Variants in KCNQ1 observed in about 807,000 individuals in gnomAD.
The protein encoded by KCNQ1 is potassium voltage-gated channel subfamily Q member 1.
A neutral mutation model predicts 72.4 loss-of-function variants in KCNQ1; 49 were observed. The observed-to-expected ratio is 0.68, with a 90% CI of 0.54 to 0.86. KCNQ1 has a LOEUF of 0.86. Among genes scored for constraint, KCNQ1 ranks in the 40% least tolerant of loss-of-function variants. The pLI is 0.00. For synonymous variants in KCNQ1, 450 were observed against 412.6 expected (o/e 1.09, Z -1.10); for missense variants, 790 against 945.1 (o/e 0.84, Z 2.15).
chr11:2,661,687 C>T lies in KCNQ1; in HGVS notation c.1394-274C>T. On this transcript the variant is annotated intron_variant, in intron 10 of 15. Coordinates refer to ENST00000155840, the MANE Select transcript of KCNQ1 (RefSeq NM_000218.3). The surrounding 1 kb of genome is among the most constrained non-coding windows in gnomAD (Gnocchi z 5.9). ...GCCCAGAACCTGAGGTGGGGAGAGTCTTGGACACCTGAGCACAGCCCCAGG... is the reference window on the plus strand; with the variant it reads ...GCCCAGAACCTGAGGTGGGGAGAGTTTTGGACACCTGAGCACAGCCCCAGG... The T allele has an allele frequency of 1.7e-6, 1 of 602,060 alleles. No individual in the cohort carries two copies. Among genetic ancestry groups the T allele is most frequent in the South Asian group, 2.0e-5 (1 of 50,920 alleles). The allele number at this position is 602,060 out of a possible 1,614,324, so 37.3% of individuals were successfully genotyped here. A position where few individuals can be genotyped will look rare whatever the true frequency, so the allele number is the denominator to read the frequency against.
At chr11:2,799,863 TGTGTG>T (rs1847223801) in intron 15 of KCNQ1, among the ~76,000 whole-genome samples, 1 of 151,780 alleles carries the variant, frequency 6.6e-6, no homozygotes. Flanking sequence ...GCACAGAGGG[TGTGTG>T]TTTTCGGTGC....
rs189139420 is a variant in KCNQ1, at chr11:2,471,595, C to T, written c.386+26111C>T. On this transcript the variant is annotated intron_variant, in intron 1 of 15. Transcript: ENST00000155840. This position sits in a 1 kb window ranked among gnomAD's most constrained non-coding sequence, Gnocchi z 4.8. ...GTGTGTGTGCACGTGTGTATGGGTGCGTGTGCACCTGTGTATATGGGTGTG... is the reference window on the plus strand; with the variant it reads ...GTGTGTGTGCACGTGTGTATGGGTGTGTGTGCACCTGTGTATATGGGTGTG... Among the ~76,000 whole-genome samples the T allele has an allele frequency of 7.9e-5, 12 of 151,396 alleles. No individual in the cohort carries two copies. Among genetic ancestry groups the T allele is most frequent in the African/African-American group, 2.2e-4 (9 of 41,316 alleles).
At position 2,457,903 on chromosome 11, in the gene KCNQ1, A is replaced by G. The variant is rs1456303444; in HGVS notation, c.386+12419A>G. Among the ~76,000 whole-genome samples the G allele has an allele frequency of 6.6e-6, 1 of 152,070 alleles. No homozygotes were observed. The highest frequency in any genetic ancestry group is 2.4e-5 in the African/African-American group (1 of 41,412). On this transcript the variant is annotated intron_variant, in intron 1 of 15. Transcript: ENST00000155840. The surrounding 1 kb of genome is among the most constrained non-coding windows in gnomAD (Gnocchi z 5.0). ...GAATGAGGACTATCAGTATGCATCC[A>G]GGATGACGTTTACTTAAATATCTCT...
chr11:2,749,736 C>A (rs1390082246), intron 11 of KCNQ1, among the ~76,000 whole-genome samples: 1 of 151,830 alleles, frequency 6.6e-6, no homozygotes, highest in Non-Finnish European at 1.5e-5. Flanking sequence ...TGGCGTGAAC[C>A]CAGGAGGCAG....
At chr11:2,619,132 ATTAC>A (rs1849120075) in intron 10 of KCNQ1, 2 of 398,356 alleles carry the variant, frequency 5.0e-6, no homozygotes, top group South Asian at 2.5e-4. Flanking sequence ...TAAAGATAAT[ATTAC>A]TTCTTACTTC....
At position 2,498,743 on chromosome 11, in the gene KCNQ1, C is replaced by T. The variant is rs1846960953; in HGVS notation, c.387-29185C>T. Among the ~76,000 whole-genome samples the T allele has an allele frequency of 2.6e-5, 4 of 152,198 alleles. No homozygotes were observed. The highest frequency in any genetic ancestry group is 2.6e-4 in the Admixed American group (4 of 15,286). On this transcript the variant is annotated intron_variant, in intron 1 of 15. Transcript: ENST00000155840. The surrounding 1 kb of genome is among the most constrained non-coding windows in gnomAD (Gnocchi z 4.8). ...GCACCACTGGGGTACAGAAAAAACT[C>T]CTGCAGCTAGTTCAATGTCTGTCCA...
chr11:2,512,614 C>T (rs1421258163), intron 1 of KCNQ1, among the ~76,000 whole-genome samples: 2 of 152,240 alleles, frequency 1.3e-5, no homozygotes, highest in Non-Finnish European at 2.9e-5. Flanking sequence ...GGCCCTCTGG[C>T]CGCCTCTTGC....
At chr11:2,722,101 G>T (rs1851212524) in intron 11 of KCNQ1, among the ~76,000 whole-genome samples, 1 of 152,150 alleles carries the variant, frequency 6.6e-6, no homozygotes, top group South Asian at 2.1e-4. Context: ...GGTCCTGGCA[G>T]GCACAGGGTA....
Position 2,740,532 on chromosome 11 carries a change from G to A in KCNQ1, c.1515-28312G>A, listed in dbSNP as rs180991274. Reference sequence around the variant, plus strand: ...CCTGGCAGGCCCCGAATGTGAGCGGGTGGACCCAGGCCTCCTGGGGGCCTC... The same window carrying A: ...CCTGGCAGGCCCCGAATGTGAGCGGATGGACCCAGGCCTCCTGGGGGCCTC... On this transcript the variant is annotated intron_variant, in intron 11 of 15. Transcript: ENST00000155840. 4.0e-4 allele frequency among the ~76,000 whole-genome samples: 61 copies of A among 152,320 alleles called. 2 individuals are homozygous for A. In the East Asian group the frequency reaches 0.012, roughly 29 times the overall value.
At position 2,815,177 on chromosome 11, in the gene KCNQ1, G is replaced by C. The variant is rs1847589683; in HGVS notation, c.1795-32590G>C. 6.6e-6 allele frequency among the ~76,000 whole-genome samples: 1 copy of C among 152,150 alleles called. No individual in the cohort carries two copies. The highest frequency in any genetic ancestry group is 2.4e-5 in the African/African-American group (1 of 41,422). On this transcript the variant is annotated intron_variant, in intron 15 of 15. Transcript: ENST00000155840. The surrounding 1 kb of genome is among the most constrained non-coding windows in gnomAD (Gnocchi z 5.4). ...CCCCCATGCTCAGGGTGTCACTGAG[G>C]GTCCCAAGTCTGGGGTGGCCAGGTC...
chr11:2,552,879 C>G (rs866752876), intron 2 of KCNQ1, among the ~76,000 whole-genome samples: 19 of 152,240 alleles, frequency 1.2e-4, no homozygotes, highest in Non-Finnish European at 5.9e-5. Context: ...GATCCACGAA[C>G]ACGGTCTTGC....
intron 15 of KCNQ1, among the ~76,000 whole-genome samples, chr11:2,801,542 C>T (rs766418204): frequency 1.3e-5 from 2 of 152,186 alleles, no homozygotes; most frequent in Non-Finnish European, 2.9e-5. Flanking sequence ...CTGGTGCTGC[C>T]GCCTTCTCTT....
chr11:2,557,797 C>G (rs527862125), intron 2 of KCNQ1, among the ~76,000 whole-genome samples: 2 of 152,358 alleles, frequency 1.3e-5, no homozygotes, highest in South Asian at 2.1e-4. Flanking sequence ...AGCCCAGGTT[C>G]AGTTGGGGAG....
At chr11:2,461,297 A>C (rs1233505887) in intron 1 of KCNQ1, 4 of 683,318 alleles carry the variant, frequency 5.9e-6, no homozygotes, top group Non-Finnish European at 8.4e-6. Flanking sequence ...ATGGCTTCTC[A>C]GGCCGCCTCG....
intron 2 of KCNQ1, among the ~76,000 whole-genome samples, chr11:2,540,972 C>T (rs1847813091): frequency 6.6e-6 from 1 of 152,246 alleles, no homozygotes; most frequent in South Asian, 2.1e-4. Context: ...AGAGGATGCA[C>T]AGGCACACAC....
rs1846146794 is a variant in KCNQ1, at chr11:2,746,788, T to C, written c.1515-22056T>C. ...TTTGTTCTTTTCCCCCTTTGCAGAC[T>C]GTCCTTGGACCCGCCAGCATTTGGC... On this transcript the variant is annotated intron_variant, in intron 11 of 15. Coordinates refer to ENST00000155840, the MANE Select transcript of KCNQ1 (RefSeq NM_000218.3). This position sits in a 1 kb window ranked among gnomAD's most constrained non-coding sequence, Gnocchi z 5.9. Among the ~76,000 whole-genome samples the C allele has an allele frequency of 6.6e-6, 1 of 152,254 alleles. No homozygotes were observed. Among genetic ancestry groups the C allele is most frequent in the Admixed American group, 6.5e-5 (1 of 15,288 alleles).
intron 11 of KCNQ1, chr11:2,685,107 C>T (rs1030714768): frequency 7.5e-6 from 3 of 398,610 alleles, no homozygotes. Context: ...GCCCTTTTGG[C>T]ACGGGGGGTC....
chr11:2,761,534 G>A (rs1256883654), intron 11 of KCNQ1, among the ~76,000 whole-genome samples: 2 of 152,168 alleles, frequency 1.3e-5, no homozygotes, highest in Non-Finnish European at 2.9e-5. Flanking sequence ...AGGCCGTAGG[G>A]TGGAACCCTA....
intron 10 of KCNQ1, chr11:2,646,197 T>G (rs1849662917): frequency 2.5e-6 from 1 of 398,482 alleles, no homozygotes; most frequent in South Asian, 1.3e-4. Flanking sequence ...CTTGCTATAT[T>G]TTGTGGAGGA....
Sources: gnomAD v4.1 joint callset for allele counts (sites outside exome capture counted in the v4.1 genomes callset) on GRCh38, gnomAD v4.1.1 for gene constraint, Gnocchi (gnomAD v3.1) non-coding constraint, MANE v1.5 for transcripts, NCBI Gene and HGNC (gene_info 2026-07-23, HGNC 2026-07-21) for gene names.